The following EFNA5 variants were observed in gnomAD, a reference collection of about 807,000 sequenced individuals.
EFNA5 encodes the protein ephrin A5, also known as ephrin-A5.
Under a neutral mutation model 22.9 loss-of-function variants are expected in EFNA5, and 5 were observed. The ratio of observed to expected loss-of-function variants is 0.22; its 90% CI spans 0.11 to 0.46. The LOEUF (loss-of-function observed/expected upper bound fraction) is 0.46. Ranked by LOEUF, EFNA5 falls within the 20% of genes least tolerant of loss-of-function variation. The probability of loss-of-function intolerance (pLI) is 0.99; values close to 1 mark genes in which losing one functional copy is unlikely to be tolerated. For synonymous variants in EFNA5, 113 were observed against 112.2 expected (o/e 1.01, Z -0.04); for missense variants, 237 against 293.3 (o/e 0.81, Z 1.40).
intron 1 of EFNA5, among the ~76,000 whole-genome samples, chr5:107,655,951 C>T (rs148121222): frequency 9.9e-4 from 151 of 152,206 alleles, no homozygotes; most frequent in Non-Finnish European, 1.5e-3. Flanking sequence ...TCAAGCAGAG[C>T]GTCAAGAGGT....
intron 1 of EFNA5, among the ~76,000 whole-genome samples, chr5:107,528,602 C>T (rs848829): frequency 0.17 from 25,288 of 152,138 alleles, 2,366 homozygotes; most frequent in Middle Eastern, 0.38. Flanking sequence ...CACCTCTATT[C>T]TTGGTTGTAT....
At position 107,456,900 on chromosome 5, in the gene EFNA5, C is replaced by A. The variant is rs969262369; in HGVS notation, c.126-29391G>T. ...TCAAAATGCATCCCAAGAATCTGCA[C>A]AACCCTGAATGTTCATTCTGACCCT... On this transcript the variant is annotated intron_variant, in intron 1 of 4. Transcript: ENST00000333274. Among the ~76,000 whole-genome samples, 7 of 152,256 alleles carry A rather than the reference C, an allele frequency of 4.6e-5. 1 individual carries two copies. The highest frequency in any genetic ancestry group is 6.5e-5 in the Admixed American group (1 of 15,278).
intron 1 of EFNA5, among the ~76,000 whole-genome samples, chr5:107,431,504 G>A (rs1748958367): frequency 6.6e-6 from 1 of 152,106 alleles, no homozygotes; most frequent in South Asian, 2.1e-4. Context: ...CCACGGAATA[G>A]CCACTATTAT....
intron 1 of EFNA5, among the ~76,000 whole-genome samples, chr5:107,561,852 T>C (rs1748552275): frequency 6.6e-6 from 1 of 152,250 alleles, no homozygotes; most frequent in Non-Finnish European, 1.5e-5. Flanking sequence ...AACTGACTTT[T>C]TTTTAATGTA....
intron 1 of EFNA5, among the ~76,000 whole-genome samples, chr5:107,629,388 G>A (rs947244422): frequency 1.3e-5 from 2 of 151,940 alleles, no homozygotes; most frequent in Non-Finnish European, 2.9e-5. Context: ...GCATTTTGGG[G>A]GCAATCAAGC....
At chr5:107,538,231 A>G (rs1319472480) in intron 1 of EFNA5, among the ~76,000 whole-genome samples, 1 of 152,240 alleles carries the variant, frequency 6.6e-6, no homozygotes, top group Non-Finnish European at 1.5e-5. Flanking sequence ...AGTTTACTCA[A>G]CATAGGGAAG....
chr5:107,505,672 C>T (rs180751298), intron 1 of EFNA5, among the ~76,000 whole-genome samples: 3 of 152,102 alleles, frequency 2.0e-5, no homozygotes, highest in Non-Finnish European at 2.9e-5. Context: ...TAGTGAAAAT[C>T]TTCAATATTC....
chr5:107,579,827 T>A (rs1246163860), intron 1 of EFNA5, among the ~76,000 whole-genome samples: 1 of 152,236 alleles, frequency 6.6e-6, no homozygotes, highest in Non-Finnish European at 1.5e-5. Context: ...CTTTGCATCC[T>A]TCAGAGATTT....
At chr5:107,657,562 T>C (rs184901058) in intron 1 of EFNA5, among the ~76,000 whole-genome samples, 2 of 152,214 alleles carry the variant, frequency 1.3e-5, no homozygotes, top group African/African-American at 2.4e-5. Flanking sequence ...ATTAAAGCCA[T>C]TGAGGATTTA....
chr5:107,555,987 A>G (rs1748401925), intron 1 of EFNA5, among the ~76,000 whole-genome samples: 1 of 152,178 alleles, frequency 6.6e-6, no homozygotes, highest in African/African-American at 2.4e-5. Context: ...GACACAGTCT[A>G]CGCTGCTGGA....
At chr5:107,531,088 G>C (rs1355241386) in intron 1 of EFNA5, among the ~76,000 whole-genome samples, 1 of 152,152 alleles carries the variant, frequency 6.6e-6, no homozygotes, top group Non-Finnish European at 1.5e-5. Context: ...GTTTTTTAAA[G>C]TTCTAGACTC....
At chr5:107,424,641 C>T (rs1748762435) in intron 2 of EFNA5, among the ~76,000 whole-genome samples, 1 of 152,126 alleles carries the variant, frequency 6.6e-6, no homozygotes, top group African/African-American at 2.4e-5. Context: ...TTCCTGAGAT[C>T]AGCAATAGAG....
At chr5:107,497,237 T>A (rs1315374475) in intron 1 of EFNA5, among the ~76,000 whole-genome samples, 1 of 152,210 alleles carries the variant, frequency 6.6e-6, no homozygotes, top group African/African-American at 2.4e-5. Flanking sequence ...TTACATCTCC[T>A]AACTCATTTG....
intron 1 of EFNA5, among the ~76,000 whole-genome samples, chr5:107,632,854 T>C (rs1428491971): frequency 6.6e-6 from 1 of 152,222 alleles, no homozygotes; most frequent in Non-Finnish European, 1.5e-5. Flanking sequence ...AATCTACTAA[T>C]GCACCCCAAA....
rs568305380 is a variant in EFNA5, at chr5:107,476,005, CATGAG to C, written c.126-48501_126-48497del. 1.9e-3 allele frequency among the ~76,000 whole-genome samples: 138 copies of C among 73,262 alleles called. 1 individual carries two copies. The highest frequency in any genetic ancestry group is 9.2e-3 in the African/African-American group (126 of 13,762). The allele number at this position is 73,262 out of a possible 152,430, so 48.1% of individuals were successfully genotyped here. ...TGGTACAGTTTGAACATCTATAAAA[CATGAG>C]ATGGAAGATACCAAGGTGGCTTGAG... On this transcript the variant is annotated intron_variant, in intron 1 of 4. Transcript: ENST00000333274.
chr5:107,476,058 T>TATATATATATATATATATATATATA, intron 1 of EFNA5, among the ~76,000 whole-genome samples: 1 of 41,114 alleles, frequency 2.4e-5, no homozygotes, highest in African/African-American at 1.9e-4. Context: ...ATATATATAT[T>TATATATATATATATATATATATATA]TTTTTTTTTT....
chr5:107,645,499 C>T (rs115316966), intron 1 of EFNA5, among the ~76,000 whole-genome samples: 2,385 of 152,224 alleles, frequency 0.016, 30 homozygotes, highest in Non-Finnish European at 0.023. Context: ...TTTTTAGTGC[C>T]ATTTAAACCA....
intron 1 of EFNA5, among the ~76,000 whole-genome samples, chr5:107,501,449 G>A (rs1391131151): frequency 3.3e-5 from 5 of 151,504 alleles, no homozygotes; most frequent in South Asian, 2.1e-4. Flanking sequence ...TGACATAAAA[G>A]TACAGATATT....
At chr5:107,558,129 GA>G (rs143849956) in intron 1 of EFNA5, among the ~76,000 whole-genome samples, 1,814 of 151,634 alleles carry the variant, frequency 0.012, 21 homozygotes, top group Admixed American at 0.021. Flanking sequence ...ACATAAACAA[GA>G]AAAAAAATCT....
Sources: allele counts gnomAD v4.1 joint callset (sites outside exome capture counted in the v4.1 genomes callset), GRCh38; gene constraint gnomAD v4.1.1; transcripts MANE v1.5; gene names NCBI Gene and HGNC (gene_info 2026-07-23, HGNC 2026-07-21).